FAM149A: variants seen among roughly 807,000 people sequenced by gnomAD.
The protein encoded by FAM149A is family with sequence similarity 149 member A.
FAM149A carries 71 observed loss-of-function variants against 78.2 expected under a neutral mutation model. The observed-to-expected ratio is 0.91, with a 90% confidence interval of 0.75 to 1.11. FAM149A has a LOEUF of 1.11. Ranked by LOEUF, FAM149A falls within the 50% of genes least tolerant of loss-of-function variation. The pLI is 0.00. For missense variants in FAM149A, 1,036 were observed against 971.0 expected (o/e 1.07, Z -0.89); for synonymous variants, 446 against 410.5 (o/e 1.09, Z -1.04).
rs764269790 is a variant in FAM149A, at chr4:186,156,117, T to C, written c.1347T>C (p.Phe449=). ...AAGATGCCGTGGCAGCAGAAGTGTT[T>C]GATCACGTCTGGACAAATATGGTAG... is the stretch of plus-strand genomic sequence containing the variant. Residue 449 remains phenylalanine, a synonymous_variant, in exon 7 of 14, where the codon TTT becomes TTC. Transcript: ENST00000389354. The C allele has an allele frequency of 1.1e-5, 17 of 1,613,928 alleles. No homozygotes were observed. The highest frequency in any genetic ancestry group is 2.2e-5 in the East Asian group (1 of 44,884).
chr4:186,173,376 G>A lies in FAM149A; in HGVS notation c.*1389G>A, dbSNP rs945824611. Reference sequence around the variant, plus strand: ...TTTTTCTTTTCTTTTTTTTTGAAACGGAGTCTGGCTCTGTGGCCCCGGCTG... The same window carrying A: ...TTTTTCTTTTCTTTTTTTTTGAAACAGAGTCTGGCTCTGTGGCCCCGGCTG... On this transcript the variant is annotated 3_prime_UTR_variant, in exon 14 of 14. Transcript: ENST00000389354. 1.8e-5 allele frequency among the ~76,000 whole-genome samples: 2 copies of A among 108,850 alleles called. 1 individual carries two copies. Among genetic ancestry groups the A allele is most frequent in the Admixed American group, 1.8e-4 (2 of 11,044 alleles). The allele number at this position is 108,850 out of a possible 152,430, so 71.4% of individuals were successfully genotyped here.
At chr4:186,130,309 ATATAT>A in intron 1 of FAM149A, among the ~76,000 whole-genome samples, 1 of 98,388 alleles carries the variant, frequency 1.0e-5, no homozygotes, top group African/African-American at 3.7e-5. Flanking sequence ...ATATATATAT[ATATAT>A]AATCTATATC....
At chr4:186,146,214 T>C (rs1233108749) in intron 1 of FAM149A, among the ~76,000 whole-genome samples, 1 of 152,136 alleles carries the variant, frequency 6.6e-6, no homozygotes, top group Non-Finnish European at 1.5e-5. Context: ...GTCAAGTTTG[T>C]ATGTTATTAC....
rs781258387 is a variant in FAM149A, at chr4:186,154,566, CATCCCTGGAAG to C, written c.1159_1169del (p.Ser387ArgfsTer10). 3 of 1,614,154 alleles carry C rather than the reference CATCCCTGGAAG, an allele frequency of 1.9e-6. No homozygotes were observed. The highest frequency in any genetic ancestry group is 2.5e-6 in the Non-Finnish European group (3 of 1,180,024). On this transcript the variant is annotated frameshift_variant, in exon 6 of 14. Transcript: ENST00000389354. LOFTEE classifies it high-confidence loss of function. ...GGGGTTGCTGACCTAACGGCACGTTCATCCCTGGAAGAAGAGGTTTACCATGTGGATGGAAA... is the reference window on the plus strand; with the variant it reads ...GGGGTTGCTGACCTAACGGCACGTTCAAGAGGTTTACCATGTGGATGGAAA...
chr4:186,166,970 C>A lies in FAM149A; in HGVS notation c.2013C>A (p.Tyr671Ter), dbSNP rs1192294749. Residue 671 changes from tyrosine to a stop codon, truncating the protein, a stop_gained and splice_region_variant, in exon 12 of 14, where the codon TAC (tyrosine) becomes TAA (stop). Transcript: ENST00000389354. LOFTEE classifies it high-confidence loss of function. ...AGAACATACTATCCTTCATTTAGTA[C>A]AGAGGAAGGCATCTACAAAACCGTG... The A allele has an allele frequency of 1.2e-6, 2 of 1,612,992 alleles. No individual in the cohort carries two copies. The highest frequency in any genetic ancestry group is 2.7e-5 in the African/African-American group (2 of 74,850).
Position 186,157,608 on chromosome 4 carries a change from A to C in FAM149A, c.1464A>C (p.Arg488Ser), listed in dbSNP as rs1215754573. The stretch of plus-strand genomic sequence containing the variant: ...AAACATTGAAAGTGGCTGGAAACAG[A>C]TTTCCGCACGTCCTCGTTCCACACG... The change falls in exon 8 of 14, where the codon AGA (arginine) becomes AGC (serine). Residue 488 changes from arginine (R) to serine (S), a missense_variant. By Grantham distance (110) the Arg-to-Ser change is moderately radical (BLOSUM62 -1). This residue lies in a region of FAM149A where 716 missense variants were observed against 711.8 expected (regional missense o/e 1.01). Transcript: ENST00000389354. 1 of 1,614,080 alleles carries C rather than the reference A, an allele frequency of 6.2e-7. No individual in the cohort carries two copies. The highest frequency in any genetic ancestry group is 8.5e-7 in the Non-Finnish European group (1 of 1,180,016).
chr4:186,148,190 G>A (rs1176043825), intron 1 of FAM149A, among the ~76,000 whole-genome samples: 2 of 152,190 alleles, frequency 1.3e-5, no homozygotes, highest in East Asian at 3.9e-4. Context: ...AGCTGGGCGT[G>A]GTGGCAGGCG....
rs1462107563 is a variant in FAM149A, at chr4:186,104,765, G to GGGCGGCGGGCGGCGGGCGGCGGGCGTCT, written c.-308_-307insGCGGGCGGCGGGCGGCGGGCGTCTGGCG. Among the ~76,000 whole-genome samples, 1 of 141,332 alleles carries GGGCGGCGGGCGGCGGGCGGCGGGCGTCT rather than the reference G, an allele frequency of 7.1e-6. No individual in the cohort carries two copies. The highest frequency in any genetic ancestry group is 1.6e-5 in the Non-Finnish European group (1 of 63,406). The allele number at this position is 141,332 out of a possible 152,430, so 92.7% of individuals were successfully genotyped here. A position where few individuals can be genotyped will look rare whatever the true frequency, so the allele number is the denominator to read the frequency against. ...CCGCGGGCGGCGGGCGGCGGGCGGC[G>GGGCGGCGGGCGGCGGGCGGCGGGCGTCT]GGCGTCTGGGGCGGGCGGCGGCCGC... On this transcript the variant is annotated 5_prime_UTR_variant, in exon 1 of 14. Coordinates refer to ENST00000389354, the MANE Select transcript of FAM149A (RefSeq NM_001367768.3).
intron 1 of FAM149A, among the ~76,000 whole-genome samples, chr4:186,139,929 T>C (rs1272370186): frequency 1.3e-5 from 2 of 152,268 alleles, no homozygotes; most frequent in Admixed American, 6.5e-5. Flanking sequence ...GTAACTTTTG[T>C]GTATTATATT....
At chr4:186,110,280 T>C (rs906844426) in intron 1 of FAM149A, 1 of 985,462 alleles carries the variant, frequency 1.0e-6, no homozygotes, top group Non-Finnish European at 1.2e-6. Context: ...TTAGGTCTTT[T>C]TGTTTCATCG....
At chr4:186,140,361 C>T (rs2099325280) in intron 1 of FAM149A, among the ~76,000 whole-genome samples, 2 of 151,948 alleles carry the variant, frequency 1.3e-5, no homozygotes, top group East Asian at 1.9e-4. Flanking sequence ...ACTGCAGCCT[C>T]CATCTCCGGG....
At chr4:186,133,113 C>T in intron 1 of FAM149A, 2 of 985,414 alleles carry the variant, frequency 2.0e-6, no homozygotes, top group Non-Finnish European at 2.4e-6. Flanking sequence ...AAAGGTTAGA[C>T]AGGAGTCATG....
At chr4:186,133,332 A>C (rs1340184821) in intron 1 of FAM149A, 1 of 326,958 alleles carries the variant, frequency 3.1e-6, no homozygotes, top group East Asian at 1.7e-4. Flanking sequence ...AAACAAACTC[A>C]CTACCTGTTA....
chr4:186,132,915 T>C (rs1417570640), intron 1 of FAM149A: 2 of 958,306 alleles, frequency 2.1e-6, no homozygotes, highest in Non-Finnish European at 2.5e-6. Flanking sequence ...TAAATTCATG[T>C]TCATGTTAAG....
chr4:186,116,541 C>T, intron 1 of FAM149A: 1 of 985,224 alleles, frequency 1.0e-6, no homozygotes, highest in Non-Finnish European at 1.2e-6. Context: ...TTTGTTCTGT[C>T]TTATGCGTAG....
At chr4:186,138,543 T>G (rs1274958196) in intron 1 of FAM149A, among the ~76,000 whole-genome samples, 2 of 152,156 alleles carry the variant, frequency 1.3e-5, no homozygotes, top group African/African-American at 2.4e-5. Context: ...CAGGGTCCAC[T>G]TGACATTACA....
At chr4:186,157,325 T>C (rs370686949) in intron 7 of FAM149A, among the ~76,000 whole-genome samples, 13 of 152,318 alleles carry the variant, frequency 8.5e-5, no homozygotes, top group African/African-American at 3.1e-4. Flanking sequence ...AGTTGGGCTT[T>C]ATCATGTGCT....
intron 1 of FAM149A, among the ~76,000 whole-genome samples, chr4:186,136,933 T>C (rs928172202): frequency 1.1e-4 from 15 of 140,248 alleles, no homozygotes; most frequent in African/African-American, 3.6e-4. Context: ...AATACACTGA[T>C]TGATCTCTCT....
rs529102746 is a variant in FAM149A, at chr4:186,161,702, T to TA, written c.1576-1134dup. Among the ~76,000 whole-genome samples the TA allele has an allele frequency of 8.7e-3, 1,311 of 151,440 alleles. 21 individuals are homozygous for TA. Among genetic ancestry groups the TA allele is most frequent in the African/African-American group, 0.029 (1,207 of 41,318 alleles). On this transcript the variant is annotated intron_variant, in intron 8 of 13. Transcript: ENST00000389354. ...ATAATTACTTTGTTTGGATAAATGT[T>TA]AAAAAAAAATAAGTGGACAGCAAAG...
Sources: gnomAD v4.1 joint callset for allele counts (sites outside exome capture counted in the v4.1 genomes callset) on GRCh38, gnomAD v4.1.1 for gene constraint, gnomAD v4.1.1 regional missense constraint, MANE v1.5 for transcripts, NCBI Gene and HGNC (gene_info 2026-07-23, HGNC 2026-07-21) for gene names.